HPSE2: variants seen among roughly 807,000 people sequenced by gnomAD.
HPSE2 encodes heparanase 2 (inactive).
A neutral mutation model predicts 60.5 loss-of-function variants in HPSE2; 38 were observed. The ratio of observed to expected loss-of-function variants is 0.63; its 90% CI spans 0.48 to 0.82. HPSE2 has a LOEUF of 0.82. Ranked by LOEUF, HPSE2 falls within the 40% of genes least tolerant of loss-of-function variation. HPSE2 has a pLI of 0.00. For missense variants in HPSE2, 713 were observed against 740.4 expected (o/e 0.96, Z 0.43); for synonymous variants, 295 against 293.2 (o/e 1.01, Z -0.06).
the HPSE2 span, among the ~76,000 whole-genome samples, chr10:99,297,912 G>A: frequency 6.6e-6 from 1 of 152,168 alleles, no homozygotes; most frequent in African/African-American, 2.4e-5. Context: ...TCCCCCAGGC[G>A]AATGTTGGTC....
At chr10:99,092,671 CCAGCCTAACATTCAAAGT>C (rs1450840544) in intron 3 of HPSE2, among the ~76,000 whole-genome samples, 1 of 152,150 alleles carries the variant, frequency 6.6e-6, no homozygotes, top group Non-Finnish European at 1.5e-5. Context: ...ACATTCAAAG[CCAGCCTAACATTCAAAGT>C]CAGCCTTGTC....
At chr10:98,497,336 G>C (rs1941878803) in intron 9 of HPSE2, among the ~76,000 whole-genome samples, 1 of 152,140 alleles carries the variant, frequency 6.6e-6, no homozygotes, top group Non-Finnish European at 1.5e-5. Context: ...TAAAGTCACA[G>C]TTTCTAAGAA....
In HPSE2 at chr10:98,929,419, G is replaced by A. The variant is rs1327961771; in HGVS notation, c.611-185363C>T. Among the ~76,000 whole-genome samples the A allele has an allele frequency of 2.8e-5, 4 of 144,150 alleles. 1 individual carries two copies. The highest frequency in any genetic ancestry group is 1.1e-4 in the African/African-American group (4 of 35,530). The allele number at this position is 144,150 out of a possible 152,430, so 94.6% of individuals were successfully genotyped here. On this transcript the variant is annotated intron_variant, in intron 3 of 11. Transcript: ENST00000370552. ...ATTTCTTGTCTGCAAAATGGAAAAT[G>A]GAGGTAGAAAAGATAATACTCAAGA...
At chr10:99,182,025 C>T (rs1847798618) in intron 2 of HPSE2, among the ~76,000 whole-genome samples, 1 of 152,164 alleles carries the variant, frequency 6.6e-6, no homozygotes, top group Admixed American at 6.5e-5. Flanking sequence ...ACTAAACCTC[C>T]TGACACCTTA....
At chr10:99,142,204 C>T (rs1246487456) in intron 3 of HPSE2, among the ~76,000 whole-genome samples, 1 of 152,160 alleles carries the variant, frequency 6.6e-6, no homozygotes, top group Non-Finnish European at 1.5e-5. Flanking sequence ...ACCCTCCTTA[C>T]CAATATACAT....
At chr10:98,912,182 T>C (rs562797545) in intron 3 of HPSE2, among the ~76,000 whole-genome samples, 58 of 152,142 alleles carry the variant, frequency 3.8e-4, no homozygotes, top group Non-Finnish European at 6.2e-4. Context: ...ATGCAGAGAG[T>C]GGAAAAAATC....
At chr10:98,816,421 T>C (rs181325102) in intron 3 of HPSE2, among the ~76,000 whole-genome samples, 72 of 152,188 alleles carry the variant, frequency 4.7e-4, no homozygotes, top group Admixed American at 1.3e-3. Flanking sequence ...GATAAATAGA[T>C]TTAAAGTATT....
At chr10:98,580,836 A>ATATATATATATATATATATGTGTGTG in intron 9 of HPSE2, among the ~76,000 whole-genome samples, 33 of 119,542 alleles carry the variant, frequency 2.8e-4, no homozygotes, top group African/African-American at 1.1e-3. Flanking sequence ...ATATATATAT[A>ATATATATATATATATATATGTGTGTG]TGTGTGTGTG....
intron 3 of HPSE2, among the ~76,000 whole-genome samples, chr10:98,847,357 C>T (rs1952058687): frequency 6.6e-6 from 1 of 152,166 alleles, no homozygotes; most frequent in African/African-American, 2.4e-5. Context: ...CATTTAATGT[C>T]TGTAACAACC....
rs148378785 is a variant in HPSE2, at chr10:98,995,446, T to C, written c.610+148792A>G. 4.9e-4 allele frequency among the ~76,000 whole-genome samples: 74 copies of C among 152,328 alleles called. 1 individual carries two copies. Among genetic ancestry groups the C allele is most frequent in the African/African-American group, 1.7e-3 (71 of 41,570 alleles). On this transcript the variant is annotated intron_variant, in intron 3 of 11. Transcript: ENST00000370552. ...TGTAATATTAGGCCCATTCCTGATG[T>C]ATCCCCCTTCAGGTTTGTTTTTTCA...
chr10:99,224,258 T>C (rs953287988), intron 2 of HPSE2, among the ~76,000 whole-genome samples: 1 of 152,030 alleles, frequency 6.6e-6, no homozygotes, highest in African/African-American at 2.4e-5. Context: ...ATGGATAAAA[T>C]AATTCAACAA....
At chr10:98,576,620 C>T (rs912735979) in intron 9 of HPSE2, among the ~76,000 whole-genome samples, 2 of 151,992 alleles carry the variant, frequency 1.3e-5, no homozygotes, top group Non-Finnish European at 2.9e-5. Flanking sequence ...CACTGTCAGA[C>T]CCCCTGTGTT....
intron 7 of HPSE2, among the ~76,000 whole-genome samples, chr10:98,636,400 C>T (rs576711585): frequency 1.6e-4 from 24 of 152,002 alleles, no homozygotes; most frequent in Admixed American, 3.3e-4. Flanking sequence ...CCACCATGCC[C>T]GGCTGATTTT....
intron 9 of HPSE2, among the ~76,000 whole-genome samples, chr10:98,593,639 G>C (rs1055417349): frequency 3.9e-5 from 6 of 152,146 alleles, no homozygotes; most frequent in African/African-American, 9.7e-5. Flanking sequence ...GCTTGGATTT[G>C]AGACACATTG....
the HPSE2 span, among the ~76,000 whole-genome samples, chr10:99,252,712 TA>T: frequency 1.3e-5 from 2 of 151,338 alleles, no homozygotes; most frequent in African/African-American, 2.4e-5. Flanking sequence ...CCATCTCTAC[TA>T]AAAAATACAA....
chr10:99,093,506 G>C (rs1375409988), intron 3 of HPSE2, among the ~76,000 whole-genome samples: 1 of 152,144 alleles, frequency 6.6e-6, no homozygotes, highest in Non-Finnish European at 1.5e-5. Context: ...AAATTTAGTA[G>C]CTCGTAGTTC....
intron 7 of HPSE2, among the ~76,000 whole-genome samples, chr10:98,627,686 A>T (rs910645215): frequency 6.6e-6 from 1 of 152,240 alleles, no homozygotes; most frequent in Non-Finnish European, 1.5e-5. Context: ...TATGATATTT[A>T]AATTATATAA....
chr10:98,727,802 T>A (rs1298203992), intron 4 of HPSE2, among the ~76,000 whole-genome samples: 2 of 152,088 alleles, frequency 1.3e-5, no homozygotes, highest in Admixed American at 6.5e-5. Flanking sequence ...ATTATTGAAC[T>A]TAAATGACTA....
chr10:99,101,072 T>C (rs1843957347), intron 3 of HPSE2, among the ~76,000 whole-genome samples: 1 of 152,200 alleles, frequency 6.6e-6, no homozygotes. Context: ...AGGAAGCAAC[T>C]GCATCAACTA....
Sources: allele counts gnomAD v4.1 joint callset (sites outside exome capture counted in the v4.1 genomes callset), GRCh38; gene constraint gnomAD v4.1.1; transcripts MANE v1.5; gene names NCBI Gene and HGNC (gene_info 2026-07-23, HGNC 2026-07-21).